The following SV2C variants were observed in gnomAD, a reference collection of about 807,000 sequenced individuals.
The protein encoded by SV2C is synaptic vesicle glycoprotein 2C, also known as solute carrier family 22 member B3.
A neutral mutation model predicts 79.7 loss-of-function variants in SV2C; 49 were observed. The observed-to-expected ratio is 0.61, with a 90% CI of 0.49 to 0.78. The LOEUF (loss-of-function observed/expected upper bound fraction) is 0.78, where lower values mean the gene tolerates loss of function less well. SV2C is among the 30% of genes least tolerant of loss of function. The probability of loss-of-function intolerance (pLI) is 0.00; values close to 1 mark genes in which losing one functional copy is unlikely to be tolerated. For synonymous variants in SV2C, 334 were observed against 333.2 expected, an observed-to-expected ratio of 1.00 and a Z score of -0.03; for missense variants, 833 against 912.9, an observed-to-expected ratio of 0.91 and a Z score of 1.13.
chr5:76,228,046 CTCTA>C (rs1389752870), intron 4 of SV2C, among the ~76,000 whole-genome samples: 1 of 151,200 alleles, frequency 6.6e-6, no homozygotes, highest in East Asian at 1.9e-4. Context: ...GGTTCTTTCT[CTCTA>C]TCTCTCTCTC....
chr5:75,996,415 C>T, the SV2C span, among the ~76,000 whole-genome samples: 1 of 152,226 alleles, frequency 6.6e-6, no homozygotes, highest in South Asian at 2.1e-4. Context: ...AGTCAGGTAG[C>T]ATGATGCCTC....
the SV2C span, among the ~76,000 whole-genome samples, chr5:75,862,606 GA>G: frequency 1.3e-5 from 2 of 152,176 alleles, no homozygotes; most frequent in East Asian, 3.9e-4. Flanking sequence ...ACTTCACGAG[GA>G]AAAAAATCTC....
chr5:76,060,356 A>G, the SV2C span, among the ~76,000 whole-genome samples: 1 of 152,116 alleles, frequency 6.6e-6, no homozygotes, highest in African/African-American at 2.4e-5. Context: ...TGTTTAGTGT[A>G]GCTACCTTCA....
At chr5:75,913,004 A>T in the SV2C span, among the ~76,000 whole-genome samples, 1 of 152,238 alleles carries the variant, frequency 6.6e-6, no homozygotes, top group Non-Finnish European at 1.5e-5. Context: ...GAAGCCATGA[A>T]GGCAAGAATC....
chr5:75,973,012 T>G, the SV2C span, among the ~76,000 whole-genome samples: 2 of 152,088 alleles, frequency 1.3e-5, no homozygotes, highest in African/African-American at 2.4e-5. Context: ...AATGATGAGT[T>G]CATGTCCTTT....
At chr5:76,257,635 G>T (rs1237736443) in intron 4 of SV2C, among the ~76,000 whole-genome samples, 1 of 150,640 alleles carries the variant, frequency 6.6e-6, no homozygotes, top group African/African-American at 2.4e-5. Context: ...GTGGGTGTGG[G>T]TATGTAGGTG....
chr5:76,282,673 T>C (rs1316015870), intron 4 of SV2C, among the ~76,000 whole-genome samples: 1 of 152,154 alleles, frequency 6.6e-6, no homozygotes, highest in Non-Finnish European at 1.5e-5. Context: ...TTCATCTGAG[T>C]TCAAATTTAA....
At chr5:75,905,991 CAT>C in the SV2C span, among the ~76,000 whole-genome samples, 3,399 of 150,022 alleles carry the variant, frequency 0.023, 115 homozygotes, top group African/African-American at 0.08. Context: ...AGAGGACTCT[CAT>C]ACACAGAGGT....
the SV2C span, among the ~76,000 whole-genome samples, chr5:75,941,651 A>G: frequency 6.6e-6 from 1 of 152,220 alleles, no homozygotes; most frequent in African/African-American, 2.4e-5. Flanking sequence ...CCTGGCTCAT[A>G]ATTCCTATAA....
intron 2 of SV2C, among the ~76,000 whole-genome samples, chr5:76,149,281 C>T (rs189567477): frequency 2.0e-5 from 3 of 152,300 alleles, no homozygotes; most frequent in Admixed American, 2.0e-4. Flanking sequence ...CAAGTGATTC[C>T]TATTCAAAGG....
In SV2C at chr5:76,295,003, G is replaced by A. The variant is rs16873302; in HGVS notation, c.1338-775G>A. Among the ~76,000 whole-genome samples, 618 of 152,288 alleles carry A rather than the reference G, an allele frequency of 4.1e-3. 5 individuals are homozygous for A. Among genetic ancestry groups the A allele is most frequent in the Middle Eastern group, 0.014 (4 of 294 alleles). ...CTCTCACCGTGCTTGGATCCCAGGA[G>A]TTTGTACCACCAGACTAGGAGAGAG... On this transcript the variant is annotated intron_variant, in intron 8 of 12. Coordinates refer to ENST00000502798, the MANE Select transcript of SV2C (RefSeq NM_014979.4).
At chr5:76,151,539 TTGTGAGTGA>T (rs1561238683) in intron 2 of SV2C, among the ~76,000 whole-genome samples, 1 of 152,036 alleles carries the variant, frequency 6.6e-6, no homozygotes, top group East Asian at 1.9e-4. Flanking sequence ...GAGGGCCTTG[TTGTGAGTGA>T]TGGAGGGGAG....
chr5:76,023,320 C>CAAAG, the SV2C span, among the ~76,000 whole-genome samples: 3 of 152,140 alleles, frequency 2.0e-5, no homozygotes, highest in Non-Finnish European at 2.9e-5. Context: ...AGATACTTTG[C>CAAAG]AAAGACTTAA....
chr5:75,965,909 C>G, the SV2C span, among the ~76,000 whole-genome samples: 1 of 151,976 alleles, frequency 6.6e-6, no homozygotes, highest in South Asian at 2.1e-4. Context: ...TAAGGAAAGA[C>G]AAAAAGATTA....
chr5:76,306,999 C>T (rs1748215091), intron 12 of SV2C, among the ~76,000 whole-genome samples: 1 of 152,074 alleles, frequency 6.6e-6, no homozygotes, highest in South Asian at 2.1e-4. Context: ...GATCTACAGT[C>T]TTAAGTATTT....
chr5:76,077,407 A>G, the SV2C span, among the ~76,000 whole-genome samples: 1 of 152,248 alleles, frequency 6.6e-6, no homozygotes, highest in African/African-American at 2.4e-5. Context: ...AGACATATCA[A>G]CCAATTGCAA....
the SV2C span, among the ~76,000 whole-genome samples, chr5:76,032,915 C>G: frequency 2.0e-5 from 3 of 152,160 alleles, no homozygotes; most frequent in South Asian, 6.2e-4. Flanking sequence ...CCTGTTGTTT[C>G]CTGACTTTTT....
chr5:76,309,329 G>A (rs893351069), intron 12 of SV2C, among the ~76,000 whole-genome samples: 2 of 152,048 alleles, frequency 1.3e-5, no homozygotes, highest in African/African-American at 2.4e-5. Flanking sequence ...GGCCGGGCAC[G>A]GTGGCTCACG....
At chr5:75,978,392 A>G in the SV2C span, among the ~76,000 whole-genome samples, 1 of 152,160 alleles carries the variant, frequency 6.6e-6, no homozygotes, top group South Asian at 2.1e-4. Context: ...AACCACATAG[A>G]CAATGTCAAA....
Sources: allele counts gnomAD v4.1 joint callset (sites outside exome capture counted in the v4.1 genomes callset), GRCh38; gene constraint gnomAD v4.1.1; transcripts MANE v1.5; gene names NCBI Gene and HGNC (gene_info 2026-07-23, HGNC 2026-07-21).